The following SEL1L2 variants were observed in gnomAD, a reference collection of about 807,000 sequenced individuals.
SEL1L2 encodes protein sel-1 homolog 2.
SEL1L2 carries 89 observed loss-of-function variants against 98.8 expected under a neutral mutation model. The observed-to-expected ratio is 0.90, with a 90% CI of 0.76 to 1.07. SEL1L2 has a LOEUF of 1.07. Ranked by LOEUF, SEL1L2 falls within the 50% of genes least tolerant of loss-of-function variation. The pLI, the probability that SEL1L2 is intolerant of heterozygous loss-of-function variation, is 0.00. For synonymous variants in SEL1L2, 262 were observed against 278.5 expected (o/e 0.94, Z 0.59); for missense variants, 788 against 812.0 (o/e 0.97, Z 0.36).
At chr20:13,869,718 A>G (rs904227388) in intron 13 of SEL1L2, 128 bp from the exon 14 acceptor site, 1 of 627,546 alleles carries the variant, frequency 1.6e-6, no homozygotes, top group African/African-American at 1.8e-5. Flanking sequence ...ATAGTATCAG[A>G]AACATTATAT....
intron 1 of SEL1L2, among the ~76,000 whole-genome samples, chr20:13,958,662 C>T (rs907958302): frequency 2.0e-5 from 3 of 151,940 alleles, no homozygotes; most frequent in Admixed American, 6.6e-5. Context: ...GAGGTCTGGG[C>T]GCGGTGGCTC....
chr20:13,963,746 T>C (rs1600947895), intron 1 of SEL1L2, among the ~76,000 whole-genome samples: 1 of 151,854 alleles, frequency 6.6e-6, no homozygotes, highest in East Asian at 1.9e-4. Context: ...AAAATGAGAA[T>C]AACAATTAAA....
At chr20:13,989,720 A>G (rs2052445909) in intron 1 of SEL1L2, among the ~76,000 whole-genome samples, 1 of 152,174 alleles carries the variant, frequency 6.6e-6, no homozygotes, top group African/African-American at 2.4e-5. Flanking sequence ...TGATCATGTG[A>G]TCTTTGTCTT....
In SEL1L2 at chr20:13,909,439, A is replaced by G. The variant is rs181304735; in HGVS notation, c.549+4343T>C. On this transcript the variant is annotated intron_variant, in intron 5 of 19. Coordinates refer to ENST00000284951, the MANE Select transcript of SEL1L2 (RefSeq NM_025229.2). ...GGAAACAGATTTTCCTATAGTGGTG[A>G]CAGGGATGATAGTCAAAATATAGAA... is the stretch of plus-strand genomic sequence containing the variant. 1.3e-4 allele frequency among the ~76,000 whole-genome samples: 20 copies of G among 152,344 alleles called. No individual in the cohort carries two copies. In the East Asian group the frequency reaches 3.3e-3, roughly 25 times the overall value.
chr20:13,882,885 C>T (rs2046776647), intron 10 of SEL1L2, among the ~76,000 whole-genome samples: 2 of 137,670 alleles, frequency 1.5e-5, no homozygotes, highest in Non-Finnish European at 3.0e-5. Flanking sequence ...GGCGGGATCT[C>T]GGCTCACTGC....
chr20:13,890,517 C>G (rs6105177), intron 5 of SEL1L2, among the ~76,000 whole-genome samples: 1 of 152,074 alleles, frequency 6.6e-6, no homozygotes, highest in Non-Finnish European at 1.5e-5. Flanking sequence ...TGGTGAAGAC[C>G]TTTCACATAC....
At chr20:13,897,621 A>G (rs945256440) in intron 5 of SEL1L2, among the ~76,000 whole-genome samples, 1 of 152,198 alleles carries the variant, frequency 6.6e-6, no homozygotes, top group African/African-American at 2.4e-5. Context: ...TCCAAAGAAG[A>G]TATACAAATG....
chr20:13,850,100 A>C, intron 19 of SEL1L2, 91 bp downstream of exon 19: 3 of 1,480,204 alleles, frequency 2.0e-6, no homozygotes, highest in Non-Finnish European at 2.8e-6. Flanking sequence ...CCAGTCCACA[A>C]GAGACTCCCT....
chr20:13,876,470 C>T (rs1408067481), intron 11 of SEL1L2, among the ~76,000 whole-genome samples: 5 of 137,066 alleles, frequency 3.6e-5, no homozygotes, highest in Admixed American at 1.7e-4. Context: ...GCAGGACATT[C>T]GTCCCTATGG....
In SEL1L2 at chr20:13,870,264, T is replaced by C. The variant is rs534583040; in HGVS notation, c.1105-61A>G. ...AAGAATTCATGATAAGGAAAATTAC[T>C]GCAAAATTTTTCAAAATATTTGACA... On this transcript the variant is annotated intron_variant, in intron 12 of 19. Transcript: ENST00000284951. The C allele has an allele frequency of 2.0e-4, 269 of 1,346,534 alleles. 1 individual carries two copies. Among genetic ancestry groups the C allele is most frequent in the East Asian group, 3.0e-4 (13 of 43,310 alleles). 83.4% of individuals were successfully genotyped at this position (1,346,534 alleles called of 1,614,324 possible).
At chr20:13,877,478 T>G in intron 11 of SEL1L2, 42 bp downstream of exon 11, 1 of 1,498,052 alleles carries the variant, frequency 6.7e-7, no homozygotes, top group South Asian at 1.1e-5. Flanking sequence ...ATTTCTTAGG[T>G]TTTTAATAAA....
At chr20:13,948,290 G>T (rs2050110518) in intron 2 of SEL1L2, among the ~76,000 whole-genome samples, 1 of 151,848 alleles carries the variant, frequency 6.6e-6, no homozygotes. Context: ...AATCTCAAGG[G>T]ACTCTGAATA....
intron 2 of SEL1L2, among the ~76,000 whole-genome samples, chr20:13,941,502 G>A (rs1040897772): frequency 2.2e-4 from 34 of 152,110 alleles, no homozygotes; most frequent in Non-Finnish European, 5.0e-4. Flanking sequence ...CAGAAGTGGT[G>A]CAAATAAAAA....
intron 3 of SEL1L2, among the ~76,000 whole-genome samples, chr20:13,926,267 A>G (rs1389193827): frequency 3.3e-5 from 5 of 152,180 alleles, no homozygotes; most frequent in Admixed American, 2.0e-4. Flanking sequence ...GTGAGCGGAG[A>G]TGGCGCCACT....
intron 13 of SEL1L2, 45 bp downstream of exon 13, chr20:13,870,096 T>C (rs778989649): frequency 3.6e-6 from 5 of 1,373,484 alleles, no homozygotes; most frequent in African/African-American, 1.4e-5. Flanking sequence ...AATTTTACCC[T>C]GTAAATTGCT....
chr20:13,983,023 C>CAAAAAAAAAAAAAAAAAAAAAAAAAAAA lies in SEL1L2; in HGVS notation c.58+7453_58+7454insTTTTTTTTTTTTTTTTTTTTTTTTTTTT. 2.3e-3 allele frequency among the ~76,000 whole-genome samples: 36 copies of CAAAAAAAAAAAAAAAAAAAAAAAAAAAA among 15,564 alleles called. 13 individuals carry two copies. Among genetic ancestry groups the CAAAAAAAAAAAAAAAAAAAAAAAAAAAA allele is most frequent in the Middle Eastern group, 0.045 (1 of 22 alleles). 10.2% of individuals were successfully genotyped at this position (15,564 alleles called of 152,430 possible). Reference sequence around the variant, plus strand: ...TGGGCAACAGAGCAAGACTCCATCTCAAAAAAAAAAAAAAAAAAAAAAAAA... The same window carrying CAAAAAAAAAAAAAAAAAAAAAAAAAAAA: ...TGGGCAACAGAGCAAGACTCCATCTCAAAAAAAAAAAAAAAAAAAAAAAAAAAAAAAAAAAAAAAAAAAAAAAAAAAAA... On this transcript the variant is annotated intron_variant, in intron 1 of 19. Coordinates refer to ENST00000284951, the MANE Select transcript of SEL1L2 (RefSeq NM_025229.2).
At chr20:13,923,456 A>AT (rs1390035052) in intron 3 of SEL1L2, among the ~76,000 whole-genome samples, 1 of 152,136 alleles carries the variant, frequency 6.6e-6, no homozygotes, top group Admixed American at 6.5e-5. Context: ...TACAGTTTCC[A>AT]TTTTTTTACT....
At chr20:13,939,032 C>CTTTTTT (rs771771582) in intron 2 of SEL1L2, among the ~76,000 whole-genome samples, 4 of 65,548 alleles carry the variant, frequency 6.1e-5, no homozygotes, top group Non-Finnish European at 8.4e-5. Context: ...GGTTTGTTTG[C>CTTTTTT]TTGTTTTGTT....
chr20:13,925,928 A>C (rs2048871073), intron 3 of SEL1L2, among the ~76,000 whole-genome samples: 1 of 152,248 alleles, frequency 6.6e-6, no homozygotes, highest in Non-Finnish European at 1.5e-5. Context: ...GAGCTGATTT[A>C]AAGAAAAACT....
Sources: allele counts gnomAD v4.1 joint callset (sites outside exome capture counted in the v4.1 genomes callset), GRCh38; gene constraint gnomAD v4.1.1; transcripts MANE v1.5; gene names NCBI Gene and HGNC (gene_info 2026-07-23, HGNC 2026-07-21).